The following MARK1 variants were observed in gnomAD, a reference collection of about 807,000 sequenced individuals.
MARK1 encodes serine/threonine-protein kinase MARK1.
In MARK1, 40 loss-of-function variants were observed where a neutral mutation model predicts 96.3. The ratio of observed to expected loss-of-function variants is 0.42; its 90% CI spans 0.32 to 0.54. The LOEUF is 0.54. Among genes scored for constraint, MARK1 ranks in the 20% least tolerant of loss-of-function variants. MARK1 has a pLI of 0.16. For missense variants in MARK1, 719 were observed against 984.6 expected (o/e 0.73, Z 3.61); for synonymous variants, 317 against 341.2 (o/e 0.93, Z 0.78).
intron 13 of MARK1, among the ~76,000 whole-genome samples, chr1:220,648,518 C>T (rs2103046350): frequency 6.6e-6 from 1 of 152,326 alleles, no homozygotes; most frequent in Non-Finnish European, 1.5e-5. Flanking sequence ...CTGAATGTCA[C>T]TGGCATTGAA....
chr1:220,661,573 T>C (rs571932497), intron 17 of MARK1, among the ~76,000 whole-genome samples: 3 of 152,346 alleles, frequency 2.0e-5, no homozygotes, highest in East Asian at 3.9e-4. Flanking sequence ...AAACCACTTA[T>C]ATTTAAGAAA....
chr1:220,618,669 C>T lies in MARK1; in HGVS notation c.823C>T (p.Arg275Cys), dbSNP rs1359424178. Residue 275 changes from arginine (R) to cysteine (C), a missense_variant, in exon 9 of 18, where the codon CGT becomes TGT. Physicochemically the swap from Arg to Cys is radical, Grantham distance 180. This residue lies in a region of MARK1 where 96 missense variants were observed against 213.1 expected (regional missense o/e 0.45). Transcript: ENST00000366917. This position sits in a 1 kb window ranked among gnomAD's most constrained non-coding sequence, Gnocchi z 4.6. The stretch of plus-strand genomic sequence containing the variant: ...AGAGCGAGTTTTACGAGGGAAGTAC[C>T]GTATTCCCTTCTATATGTCCACAGA... Reference protein sequence around the residue: ...LRERVLRGKYRIPFYMSTDCE... With the variant: ...LRERVLRGKYCIPFYMSTDCE... 3 of 1,613,000 alleles carry T rather than the reference C, an allele frequency of 1.9e-6. No homozygotes were observed. Among genetic ancestry groups the T allele is most frequent in the Middle Eastern group, 1.7e-4 (1 of 6,056 alleles).
At chr1:220,652,391 G>A (rs188095695) in intron 15 of MARK1, among the ~76,000 whole-genome samples, 11 of 152,224 alleles carry the variant, frequency 7.2e-5, no homozygotes, top group East Asian at 3.9e-4. Context: ...TTTTACATCC[G>A]TCTATAAAGT....
intron 3 of MARK1, among the ~76,000 whole-genome samples, chr1:220,586,612 A>T (rs1664645535): frequency 6.6e-6 from 1 of 151,710 alleles, no homozygotes; most frequent in South Asian, 2.1e-4. Context: ...AACTCCAAAA[A>T]CCTCTGTCCT....
intron 1 of MARK1, among the ~76,000 whole-genome samples, 171 bp downstream of exon 1, chr1:220,529,044 A>G (rs1330788517): frequency 2.0e-5 from 3 of 152,120 alleles, no homozygotes; most frequent in Non-Finnish European, 2.9e-5. Context: ...TCTTCATTCC[A>G]ACCCCATTTC....
chr1:220,605,553 A>C (rs530300525), intron 6 of MARK1, among the ~76,000 whole-genome samples: 1 of 151,786 alleles, frequency 6.6e-6, no homozygotes, highest in East Asian at 1.9e-4. Context: ...TTCAGGGTAC[A>C]TGTGCACAAC....
At chr1:220,553,325 C>T (rs1368028428) in intron 1 of MARK1, among the ~76,000 whole-genome samples, 2 of 152,192 alleles carry the variant, frequency 1.3e-5, no homozygotes, top group Admixed American at 6.5e-5. Context: ...TTTGGTACCA[C>T]CCCAGAGTGG....
At chr1:220,594,227 C>T (rs1043378481) in intron 3 of MARK1, among the ~76,000 whole-genome samples, 2 of 152,130 alleles carry the variant, frequency 1.3e-5, no homozygotes, top group African/African-American at 2.4e-5. Flanking sequence ...TCTGAACAGA[C>T]ACCTCATCAA....
At chr1:220,606,663 A>C (rs1666098777) in intron 6 of MARK1, among the ~76,000 whole-genome samples, 1 of 152,170 alleles carries the variant, frequency 6.6e-6, no homozygotes, top group South Asian at 2.1e-4. Flanking sequence ...TTTTAGGTCT[A>C]GCATTTAAGT....
chr1:220,577,697 C>T (rs1207817088), intron 1 of MARK1, among the ~76,000 whole-genome samples: 1 of 152,162 alleles, frequency 6.6e-6, no homozygotes, highest in Non-Finnish European at 1.5e-5. Flanking sequence ...TGAATCCTTC[C>T]TGTGTATCTG....
At chr1:220,655,828 G>T (rs1462831010) in intron 16 of MARK1, among the ~76,000 whole-genome samples, 3 of 152,064 alleles carry the variant, frequency 2.0e-5, no homozygotes, top group African/African-American at 7.2e-5. Flanking sequence ...CCTCACTGTG[G>T]CCTGTGGGGC....
In MARK1 at chr1:220,619,817, A is replaced by T. The variant is rs533714954; in HGVS notation, c.909+1062A>T. ...AGATAATTTCAGAGATTCAGCATGC[A>T]TTATTCACTAGTACTTTCTGTCTTC... is the stretch of plus-strand genomic sequence containing the variant. On this transcript the variant is annotated intron_variant, in intron 9 of 17. Transcript: ENST00000366917. 1.4e-4 allele frequency among the ~76,000 whole-genome samples: 22 copies of T among 152,362 alleles called. No homozygotes were observed. In the South Asian group the frequency reaches 2.1e-3, roughly 14 times the overall value.
intron 3 of MARK1, among the ~76,000 whole-genome samples, chr1:220,585,048 A>G (rs1430523841): frequency 6.6e-6 from 1 of 152,172 alleles, no homozygotes; most frequent in Non-Finnish European, 1.5e-5. Flanking sequence ...TATTTTGTGA[A>G]ATGATATGTA....
At chr1:220,657,447 A>G (rs1388260828) in intron 16 of MARK1, among the ~76,000 whole-genome samples, 1 of 152,230 alleles carries the variant, frequency 6.6e-6, no homozygotes, top group African/African-American at 2.4e-5. Context: ...GAATCTTGCT[A>G]TTGATAATTA....
chr1:220,601,785 G>A (rs760751776), intron 5 of MARK1, among the ~76,000 whole-genome samples: 2 of 152,132 alleles, frequency 1.3e-5, no homozygotes, highest in Non-Finnish European at 1.5e-5. Flanking sequence ...TAATGAAGGG[G>A]AGTAATGGCT....
chr1:220,657,922 A>G lies in MARK1; in HGVS notation c.2033+88A>G, dbSNP rs1572247946. 5 of 921,552 alleles carry G rather than the reference A, an allele frequency of 5.4e-6. No individual in the cohort carries two copies. In the East Asian group the frequency reaches 1.6e-4, roughly 30 times the overall value. 57.1% of individuals were successfully genotyped at this position (921,552 alleles called of 1,614,324 possible). A position where few individuals can be genotyped will look rare whatever the true frequency, so the allele number is the denominator to read the frequency against. The stretch of plus-strand genomic sequence containing the variant: ...TACTTACAGCACTTAATGATCATGA[A>G]TAGATCTAATAACTAGATAGCATGC... On this transcript the variant is annotated intron_variant, in intron 17 of 17. Coordinates refer to ENST00000366917, the MANE Select transcript of MARK1 (RefSeq NM_018650.5).
At chr1:220,661,783 C>A in intron 17 of MARK1, 29 bp from the exon 18 acceptor site, 2 of 1,505,674 alleles carry the variant, frequency 1.3e-6, no homozygotes, top group Non-Finnish European at 9.0e-7. Flanking sequence ...TATTTGCTTT[C>A]ATTCTTTCCC....
Position 220,660,692 on chromosome 1 carries a change from A to G in MARK1, c.2034-1120A>G, listed in dbSNP as rs914046498. On this transcript the variant is annotated intron_variant, in intron 17 of 17. Transcript: ENST00000366917. ...GATGAAGCTATGAAGGTTTCTTTCT[A>G]TGACTGTTTGAAATAGGCTTTTTGT... Among the ~76,000 whole-genome samples the G allele has an allele frequency of 3.3e-5, 5 of 152,328 alleles. No individual in the cohort carries two copies. In the East Asian group the frequency reaches 7.7e-4, roughly 23 times the overall value.
intron 4 of MARK1, among the ~76,000 whole-genome samples, chr1:220,598,841 T>C (rs1321640239): frequency 6.6e-6 from 1 of 150,882 alleles, no homozygotes; most frequent in Non-Finnish European, 1.5e-5. Flanking sequence ...TAGCCAGGAG[T>C]GATGGTGCGC....
Sources: allele counts gnomAD v4.1 joint callset (sites outside exome capture counted in the v4.1 genomes callset), GRCh38; gene constraint gnomAD v4.1.1; regional missense constraint gnomAD v4.1.1; non-coding constraint Gnocchi (gnomAD v3.1); transcripts MANE v1.5; gene names NCBI Gene and HGNC (gene_info 2026-07-23, HGNC 2026-07-21).